GRIP1: variants seen among roughly 807,000 people sequenced by gnomAD.
GRIP1 encodes the protein glutamate receptor interacting protein 1.
Under a neutral mutation model 129.9 loss-of-function variants are expected in GRIP1, and 45 were observed. That is an observed-to-expected ratio of 0.35 (90% confidence interval 0.27 to 0.44). The LOEUF (loss-of-function observed/expected upper bound fraction) is 0.44. GRIP1 is among the 20% of genes least tolerant of loss of function. The pLI, the probability that GRIP1 is intolerant of heterozygous loss-of-function variation, is 1.00. For synonymous variants in GRIP1, 530 were observed against 520.8 expected, an observed-to-expected ratio of 1.02 and a Z score of -0.24; for missense variants, 1,196 against 1,396.8, an observed-to-expected ratio of 0.86 and a Z score of 2.29.
At chr12:66,886,778 C>T (rs1462129431) in intron 1 of GRIP1, among the ~76,000 whole-genome samples, 1 of 152,134 alleles carries the variant, frequency 6.6e-6, no homozygotes, top group Non-Finnish European at 1.5e-5. Flanking sequence ...ACAAAAAGCA[C>T]TCCCTAACAA....
At chr12:66,810,010 T>C (rs2039072856) in intron 1 of GRIP1, among the ~76,000 whole-genome samples, 1 of 152,120 alleles carries the variant, frequency 6.6e-6, no homozygotes, top group South Asian at 2.1e-4. Context: ...ATATTTCAAA[T>C]AAATGGATCT....
At chr12:66,681,893 C>G (rs2034596963), upstream of GRIP1, among the ~76,000 whole-genome samples, 1 of 152,100 alleles carries the variant, frequency 6.6e-6, no homozygotes, top group South Asian at 2.1e-4. Flanking sequence ...AGGTGTAATA[C>G]AAGTGTACCA....
intron 6 of GRIP1, 70 bp from the exon 7 acceptor site, chr12:66,515,834 A>G: frequency 3.7e-6 from 5 of 1,355,610 alleles, no homozygotes; most frequent in Non-Finnish European, 5.3e-6. Context: ...TAGTCACTTT[A>G]GCCAAATTCG....
At chr12:66,711,348 T>C (rs970630781) in intron 1 of GRIP1, among the ~76,000 whole-genome samples, 3 of 152,064 alleles carry the variant, frequency 2.0e-5, no homozygotes, top group South Asian at 2.1e-4. Context: ...CTGGGAAATA[T>C]AATTTTGTAA....
intron 1 of GRIP1, among the ~76,000 whole-genome samples, chr12:66,814,339 T>A (rs1018524710): frequency 6.6e-6 from 1 of 152,046 alleles, no homozygotes; most frequent in African/African-American, 2.4e-5. Flanking sequence ...AAAATTTAAA[T>A]GTATTGTTAT....
intron 1 of GRIP1, among the ~76,000 whole-genome samples, chr12:66,726,372 G>A (rs1478329112): frequency 1.3e-5 from 2 of 152,064 alleles, no homozygotes; most frequent in Admixed American, 6.6e-5. Context: ...CTATGAGTTG[G>A]ATAAATATAT....
chr12:66,997,682 A>G (rs1330096074), intron 1 of GRIP1, among the ~76,000 whole-genome samples: 2 of 152,200 alleles, frequency 1.3e-5, no homozygotes, highest in African/African-American at 2.4e-5. Context: ...GCAGAAACCA[A>G]TGCAAATGAA....
intron 2 of GRIP1, among the ~76,000 whole-genome samples, chr12:66,548,632 A>G (rs1417710821): frequency 1.3e-5 from 2 of 152,178 alleles, no homozygotes; most frequent in East Asian, 3.8e-4. Flanking sequence ...ATTAATGAGG[A>G]GGAATTTTCC....
intron 1 of GRIP1, among the ~76,000 whole-genome samples, chr12:67,053,906 C>G (rs1255535287): frequency 6.6e-6 from 1 of 151,936 alleles, no homozygotes; most frequent in African/African-American, 2.4e-5. Flanking sequence ...TGTGGATCCT[C>G]AACAGAGGTA....
At chr12:66,525,030 A>G (rs1362373576) in intron 5 of GRIP1, among the ~76,000 whole-genome samples, 1 of 152,238 alleles carries the variant, frequency 6.6e-6, no homozygotes, top group African/African-American at 2.4e-5. Context: ...AAATTGTGGC[A>G]ATAATCAGTA....
rs545442714 is a variant in GRIP1, at chr12:66,830,161, G to A, written c.59-233234C>T. Among the ~76,000 whole-genome samples, 173 of 152,260 alleles carry A rather than the reference G, an allele frequency of 1.1e-3. 1 individual carries two copies. The highest frequency in any genetic ancestry group is 6.8e-3 in the Middle Eastern group (2 of 294). ...CATATCCACTAACATGTTAGTCCCTGCAACAACTTATCAGGTGGAGACTAT... is the reference window on the plus strand; with the variant it reads ...CATATCCACTAACATGTTAGTCCCTACAACAACTTATCAGGTGGAGACTAT... On this transcript the variant is annotated intron_variant, in intron 1 of 1. Transcript: ENST00000643019.
At chr12:66,701,547 C>T (rs2035354363) in intron 1 of GRIP1, among the ~76,000 whole-genome samples, 1 of 152,118 alleles carries the variant, frequency 6.6e-6, no homozygotes. Flanking sequence ...TAAATAACTG[C>T]AAGCTCTTTA....
At chr12:67,061,820 C>T (rs1305225992) in intron 1 of GRIP1, among the ~76,000 whole-genome samples, 1 of 152,124 alleles carries the variant, frequency 6.6e-6, no homozygotes, top group African/African-American at 2.4e-5. Context: ...TTATATTATT[C>T]TACCACATTA....
chr12:66,697,553 C>A (rs994029217), intron 1 of GRIP1, among the ~76,000 whole-genome samples: 22 of 152,170 alleles, frequency 1.4e-4, no homozygotes, highest in African/African-American at 2.4e-5. Flanking sequence ...GCTCCAGACT[C>A]ACTTGGGGCT....
chr12:66,439,444 C>T (rs2058408859), intron 13 of GRIP1, among the ~76,000 whole-genome samples: 2 of 152,146 alleles, frequency 1.3e-5, no homozygotes, highest in Non-Finnish European at 2.9e-5. Flanking sequence ...CTTAAGTCTT[C>T]CCTTTTCTCT....
intron 1 of GRIP1, among the ~76,000 whole-genome samples, chr12:66,623,507 T>G (rs1284289904): frequency 6.6e-6 from 1 of 152,156 alleles, no homozygotes; most frequent in East Asian, 1.9e-4. Context: ...CTTGAACATT[T>G]CAGTCTTACA....
At chr12:66,820,268 C>A (rs769441435) in intron 1 of GRIP1, among the ~76,000 whole-genome samples, 3 of 152,036 alleles carry the variant, frequency 2.0e-5, no homozygotes, top group Non-Finnish European at 4.4e-5. Flanking sequence ...AAGTCATATG[C>A]GATTAGAGAA....
chr12:67,055,716 G>T (rs2043423728), intron 1 of GRIP1, among the ~76,000 whole-genome samples: 1 of 152,174 alleles, frequency 6.6e-6, no homozygotes, highest in Non-Finnish European at 1.5e-5. Context: ...CAGAATAAAA[G>T]TCCAAAAGGC....
chr12:66,647,816 T>C (rs1232413431), intron 1 of GRIP1, among the ~76,000 whole-genome samples: 2 of 152,190 alleles, frequency 1.3e-5, no homozygotes, highest in Non-Finnish European at 2.9e-5. Flanking sequence ...TAATTACTAT[T>C]ACAGATCAGA....
Sources: allele counts gnomAD v4.1 joint callset (sites outside exome capture counted in the v4.1 genomes callset), GRCh38; gene constraint gnomAD v4.1.1; transcripts MANE v1.5; gene names NCBI Gene and HGNC (gene_info 2026-07-23, HGNC 2026-07-21).